CHSY1: variants seen among roughly 807,000 people sequenced by gnomAD.
CHSY1 encodes the protein chondroitin sulfate synthase 1.
A neutral mutation model predicts 59.8 loss-of-function variants in CHSY1; 13 were observed. The ratio of observed to expected loss-of-function variants is 0.22; its 90% CI spans 0.14 to 0.35. The LOEUF (loss-of-function observed/expected upper bound fraction) is 0.35, where lower values mean the gene tolerates loss of function less well. Ranked by LOEUF, CHSY1 falls within the 10% of genes least tolerant of loss-of-function variation. CHSY1 has a pLI of 1.00. For synonymous variants in CHSY1, 459 were observed against 401.2 expected (o/e 1.14, Z -1.72); for missense variants, 947 against 1,030.6 (o/e 0.92, Z 1.11).
chr15:101,244,767 T>A (rs1222571148), intron 1 of CHSY1, among the ~76,000 whole-genome samples: 2 of 152,214 alleles, frequency 1.3e-5, no homozygotes, highest in Non-Finnish European at 2.9e-5. Flanking sequence ...CTCATGTCAA[T>A]AAAAGTATTT....
At position 101,177,247 on chromosome 15, in the gene CHSY1, G is replaced by T; in HGVS notation, c.*141C>A. The T allele has an allele frequency of 1.4e-6, 1 of 722,424 alleles. No homozygotes were observed. The highest frequency in any genetic ancestry group is 2.2e-6 in the Non-Finnish European group (1 of 453,564). The allele number at this position is 722,424 out of a possible 1,614,324, so 44.8% of individuals were successfully genotyped here. A position where few individuals can be genotyped will look rare whatever the true frequency, so the allele number is the denominator to read the frequency against. On this transcript the variant is annotated 3_prime_UTR_variant, in exon 3 of 3. Transcript: ENST00000254190. ...CACTGATCACCTTCTTGTTCAGAAA[G>T]CTCAATCTTAAAGGAGTCCTATGTA...
chr15:101,196,241 A>C (rs999951157), intron 2 of CHSY1, among the ~76,000 whole-genome samples: 5 of 152,162 alleles, frequency 3.3e-5, no homozygotes, highest in South Asian at 2.1e-4. Flanking sequence ...AAAAAAAAAA[A>C]AAAAACATAT....
At chr15:101,188,445 G>C (rs1347704065) in intron 2 of CHSY1, among the ~76,000 whole-genome samples, 1 of 152,158 alleles carries the variant, frequency 6.6e-6, no homozygotes, top group Non-Finnish European at 1.5e-5. Context: ...CAGACTCTCA[G>C]GACGCATGGT....
chr15:101,206,781 C>A (rs1157314966), intron 2 of CHSY1, among the ~76,000 whole-genome samples: 3 of 152,088 alleles, frequency 2.0e-5, no homozygotes, highest in African/African-American at 7.2e-5. Flanking sequence ...ACAAATATTC[C>A]CAGGGTTTTG....
At chr15:101,189,306 C>T (rs529137037) in intron 2 of CHSY1, 2 of 400,326 alleles carry the variant, frequency 5.0e-6, no homozygotes, top group African/African-American at 2.2e-5. Context: ...CCAGTCAACA[C>T]GGACCACACA....
rs140048104 is a variant in CHSY1 at position 101,198,926 on chromosome 15, G to C, written c.817-19946C>G. ...ACACAGCACAAAGAGTCTGCTGGCT[G>C]TGATCCAGAGCCTTCACCTTTATGC... On this transcript the variant is annotated intron_variant, in intron 2 of 2. Transcript: ENST00000254190. Among the ~76,000 whole-genome samples the C allele has an allele frequency of 3.3e-3, 506 of 152,354 alleles. 4 individuals are homozygous for C. The highest frequency in any genetic ancestry group is 0.028 in the East Asian group (144 of 5,186).
chr15:101,183,326 G>A (rs2038307089), intron 2 of CHSY1, among the ~76,000 whole-genome samples: 1 of 152,078 alleles, frequency 6.6e-6, no homozygotes, highest in Admixed American at 6.5e-5. Flanking sequence ...AAAACTACAG[G>A]AAAAAGCAAT....
intron 2 of CHSY1, among the ~76,000 whole-genome samples, chr15:101,207,915 C>G (rs1049970293): frequency 2.6e-5 from 4 of 152,172 alleles, no homozygotes; most frequent in African/African-American, 9.7e-5. Context: ...TGGGCTGGTG[C>G]AGTGGCCCAG....
At position 101,236,295 on chromosome 15, in the gene CHSY1, C is replaced by G. The variant is rs144975528; in HGVS notation, c.321-718G>C. On this transcript the variant is annotated intron_variant, in intron 1 of 2. Coordinates refer to ENST00000254190, the MANE Select transcript of CHSY1 (RefSeq NM_014918.5). ...ATCTTGAATGATAGCTCCCACAGTT[C>G]CCACATGTTGCGGGAGGGACCCAGG... is the stretch of plus-strand genomic sequence containing the variant. Among the ~76,000 whole-genome samples the G allele has an allele frequency of 1.3e-4, 20 of 152,280 alleles. 1 individual carries two copies. Among genetic ancestry groups the G allele is most frequent in the African/African-American group, 4.8e-4 (20 of 41,530 alleles).
chr15:101,197,647 T>G (rs1037566764), intron 2 of CHSY1, among the ~76,000 whole-genome samples: 1 of 152,232 alleles, frequency 6.6e-6, no homozygotes, highest in Non-Finnish European at 1.5e-5. Flanking sequence ...GATAAATTCC[T>G]TATATAATGT....
At chr15:101,184,182 A>C (rs999190848) in intron 2 of CHSY1, among the ~76,000 whole-genome samples, 2 of 152,160 alleles carry the variant, frequency 1.3e-5, no homozygotes, top group African/African-American at 2.4e-5. Flanking sequence ...CCATTTCACA[A>C]AGTGTTTTAG....
intron 1 of CHSY1, among the ~76,000 whole-genome samples, chr15:101,248,938 C>T (rs2039077948): frequency 6.6e-6 from 1 of 151,406 alleles, no homozygotes. Context: ...AGGCACCTGC[C>T]ACCAAGCCTG....
Position 101,211,561 on chromosome 15 carries a change from G to A in CHSY1, c.816+23521C>T, listed in dbSNP as rs532612608. ...AGCAATATTTATAAAAATAATGGCT[G>A]AGAAATTTCTAATACTGACGAAAGA... On this transcript the variant is annotated intron_variant, in intron 2 of 2. Transcript: ENST00000254190. Among the ~76,000 whole-genome samples the A allele has an allele frequency of 2.6e-5, 4 of 152,234 alleles. 1 individual carries two copies. The East Asian group carries it at 7.7e-4, about 29-fold the overall frequency.
intron 2 of CHSY1, among the ~76,000 whole-genome samples, chr15:101,198,273 C>T (rs927502011): frequency 1.3e-5 from 2 of 152,102 alleles, no homozygotes; most frequent in East Asian, 1.9e-4. Flanking sequence ...CCACAGGAGA[C>T]GGCAGTAAAG....
At chr15:101,234,499 C>T (rs2038920473) in intron 2 of CHSY1, among the ~76,000 whole-genome samples, 2 of 152,178 alleles carry the variant, frequency 1.3e-5, no homozygotes, top group South Asian at 4.1e-4. Flanking sequence ...AAGAAAATAT[C>T]ACCATGACCA....
intron 1 of CHSY1, among the ~76,000 whole-genome samples, chr15:101,245,997 G>A (rs747746290): frequency 2.0e-5 from 3 of 152,218 alleles, no homozygotes; most frequent in Admixed American, 6.5e-5. Context: ...AGATTTATAA[G>A]ATAGGAGGAT....
Position 101,176,596 on chromosome 15 carries a change from C to A in CHSY1, c.*792G>T. ...GCCCCTTGCTTTAAAACCTACGTGG[C>A]CAGCTGGGCTTGCATGGTGAAACCC... On this transcript the variant is annotated 3_prime_UTR_variant, in exon 3 of 3. Coordinates refer to ENST00000254190, the MANE Select transcript of CHSY1 (RefSeq NM_014918.5). 2.6e-6 allele frequency: 1 copy of A among 391,180 alleles called. No homozygotes were observed. The highest frequency in any genetic ancestry group is 4.5e-6 in the Non-Finnish European group (1 of 221,916). The allele number at this position is 391,180 out of a possible 1,614,324, so 24.2% of individuals were successfully genotyped here.
chr15:101,176,222 G>C lies in CHSY1; in HGVS notation c.*1166C>G, dbSNP rs1160410135. The C allele has an allele frequency of 7.5e-6, 3 of 398,420 alleles. No homozygotes were observed. The highest frequency in any genetic ancestry group is 4.4e-5 in the Admixed American group (1 of 22,708). The allele number at this position is 398,420 out of a possible 1,614,324, so 24.7% of individuals were successfully genotyped here. ...AGAAATGGCAGAGCTCTGAACAACA[G>C]ATATTAAATAAATTAAAGGTATTTC... is the stretch of plus-strand genomic sequence containing the variant. On this transcript the variant is annotated 3_prime_UTR_variant, in exon 3 of 3. Coordinates refer to ENST00000254190, the MANE Select transcript of CHSY1 (RefSeq NM_014918.5).
In CHSY1 at chr15:101,177,595, C is replaced by A; in HGVS notation, c.2202G>T (p.Thr734=). 1.9e-6 allele frequency: 3 copies of A among 1,614,194 alleles called. No homozygotes were observed. Among genetic ancestry groups the A allele is most frequent in the Non-Finnish European group, 2.5e-6 (3 of 1,180,026 alleles). ...FNKVVQAGLK[T]FRSQEVGVVH... ...CTACTCCTACTTCCTGGCTCCTAAA[C>A]GTCTTCAAACCTGCCTGGACAACCT... Residue 734 remains threonine, a synonymous_variant, in exon 3 of 3, where the codon ACG becomes ACT. Transcript: ENST00000254190.
Sources: gnomAD v4.1 joint callset for allele counts (sites outside exome capture counted in the v4.1 genomes callset) on GRCh38, gnomAD v4.1.1 for gene constraint, MANE v1.5 for transcripts, NCBI Gene and HGNC (gene_info 2026-07-23, HGNC 2026-07-21) for gene names.